TRAPPC11: variants seen among roughly 807,000 people sequenced by gnomAD.
TRAPPC11 encodes the protein foie gras homolog.
A neutral mutation model predicts 151.2 loss-of-function variants in TRAPPC11; 104 were observed. The ratio of observed to expected loss-of-function variants is 0.69; its 90% CI spans 0.59 to 0.81. The LOEUF is 0.81. Among genes scored for constraint, TRAPPC11 ranks in the 30% least tolerant of loss-of-function variants. The probability of loss-of-function intolerance (pLI) is 0.00; values close to 1 mark genes in which losing one functional copy is unlikely to be tolerated. For synonymous variants in TRAPPC11, 456 were observed against 472.3 expected (o/e 0.97, Z 0.45); for missense variants, 1,230 against 1,349.6 (o/e 0.91, Z 1.39).
chr4:183,665,346 G>T (rs1483615594), intron 2 of TRAPPC11, among the ~76,000 whole-genome samples: 1 of 151,970 alleles, frequency 6.6e-6, no homozygotes, highest in Non-Finnish European at 1.5e-5. Flanking sequence ...TGCCCACCTT[G>T]GCCTCCCAAA....
At chr4:183,709,397 T>G (rs908237382) in intron 29 of TRAPPC11, among the ~76,000 whole-genome samples, 7 of 152,202 alleles carry the variant, frequency 4.6e-5, no homozygotes, top group African/African-American at 7.2e-5. Context: ...CCAGCTTTTA[T>G]ATTTCCAGAC....
In TRAPPC11 at chr4:183,685,596, T is replaced by A. The variant is rs1182641907; in HGVS notation, c.1762+193T>A. ...GTTAGGATCTTAAATACTTGACTTATGTTTTAAAATACACTTTGCTCATTT... is the reference window on the plus strand; with the variant it reads ...GTTAGGATCTTAAATACTTGACTTAAGTTTTAAAATACACTTTGCTCATTT... On this transcript the variant is annotated intron_variant, in intron 17 of 29. Transcript: ENST00000334690. Among the ~76,000 whole-genome samples, 3 of 152,346 alleles carry A rather than the reference T, an allele frequency of 2.0e-5. 1 individual carries two copies. The highest frequency in any genetic ancestry group is 6.8e-3 in the Middle Eastern group (2 of 294).
At chr4:183,684,673 T>C (rs886704078) in intron 14 of TRAPPC11, 23 bp from the exon 15 acceptor site, 2 of 1,612,914 alleles carry the variant, frequency 1.2e-6, no homozygotes, top group East Asian at 2.2e-5. Context: ...GCCGGTTCAG[T>C]ATTACATTTT....
At chr4:183,675,315 C>A (rs1415132517) in intron 7 of TRAPPC11, 78 bp downstream of exon 7, 15 of 860,596 alleles carry the variant, frequency 1.7e-5, no homozygotes, top group Admixed American at 3.1e-5. Flanking sequence ...TGAATCTCAG[C>A]CAAAGTATAA....
At chr4:183,695,898 G>C (rs1484641689) in intron 23 of TRAPPC11, among the ~76,000 whole-genome samples, 1 of 152,128 alleles carries the variant, frequency 6.6e-6, no homozygotes, top group Non-Finnish European at 1.5e-5. Context: ...GGAGATAAGG[G>C]TGCCAATCTC....
intron 9 of TRAPPC11, 101 bp downstream of exon 9, chr4:183,679,587 C>A: frequency 1.0e-6 from 1 of 969,040 alleles, no homozygotes; most frequent in Non-Finnish European, 1.5e-6. Context: ...GGTTTTTTGT[C>A]ACTAAGTAGG....
chr4:183,689,667 C>T (rs1436867728), intron 18 of TRAPPC11, among the ~76,000 whole-genome samples: 2 of 150,110 alleles, frequency 1.3e-5, no homozygotes, highest in African/African-American at 4.9e-5. Context: ...CTTTGTTGCC[C>T]AGGCTGGAGT....
At chr4:183,710,697 G>A (rs1041406602) in intron 29 of TRAPPC11, among the ~76,000 whole-genome samples, 6 of 151,864 alleles carry the variant, frequency 4.0e-5, no homozygotes, top group African/African-American at 9.7e-5. Flanking sequence ...ACCGGACTCC[G>A]CAGAGCCAGC....
Position 183,671,151 on chromosome 4 carries a change from C to T in TRAPPC11, c.560+3034C>T, listed in dbSNP as rs141026569. Reference sequence around the variant, plus strand: ...ATAGTGCTGGGATTACATTCATGAGCCACTGTTCCCGGCCCTGGAAGCGGT... The same window carrying T: ...ATAGTGCTGGGATTACATTCATGAGTCACTGTTCCCGGCCCTGGAAGCGGT... On this transcript the variant is annotated intron_variant, in intron 5 of 29. Transcript: ENST00000334690. Among the ~76,000 whole-genome samples the T allele has an allele frequency of 4.6e-3, 707 of 152,308 alleles. 16 individuals carry two copies. The highest frequency in any genetic ancestry group is 0.041 in the Admixed American group (625 of 15,302).
chr4:183,671,833 A>C (rs1735171115), intron 5 of TRAPPC11, among the ~76,000 whole-genome samples: 1 of 152,242 alleles, frequency 6.6e-6, no homozygotes, highest in Non-Finnish European at 1.5e-5. Flanking sequence ...GGTGATCTTT[A>C]TATGAATATT....
chr4:183,697,652 C>A (rs752141487), intron 24 of TRAPPC11, 27 bp from the exon 25 acceptor site: 1 of 1,611,866 alleles, frequency 6.2e-7, no homozygotes, highest in South Asian at 1.1e-5. Flanking sequence ...TAATTCCTGA[C>A]AGACCTTTTA....
At chr4:183,665,929 C>CTTTTTTTT (rs11462767) in intron 2 of TRAPPC11, among the ~76,000 whole-genome samples, 2 of 137,888 alleles carry the variant, frequency 1.5e-5, no homozygotes. Context: ...AAATGGGCTA[C>CTTTTTTTT]TTTTTTTTTT....
rs1384677986 is a variant in TRAPPC11 at position 183,704,999 on chromosome 4, T to A, written c.2984T>A (p.Ile995Asn). 2.5e-6 allele frequency: 4 copies of A among 1,598,616 alleles called. No individual in the cohort carries two copies. Among genetic ancestry groups the A allele is most frequent in the Middle Eastern group, 1.7e-4 (1 of 5,990 alleles). ...SWKRTSAMENIPIITTVITLP... is the reference protein window; with the variant it reads ...SWKRTSAMENNPIITTVITLP... ...CACAGGACCTCAGCAATGGAGAATA[T>A]CCCCATCATCACAACTGTCATCACT... Residue 995 changes from isoleucine (I) to asparagine (N), a missense_variant, in exon 27 of 30, where the codon ATC becomes AAC. Ile to Asn is a moderately radical substitution (Grantham distance 149, BLOSUM62 -3). Coordinates refer to ENST00000334690, the MANE Select transcript of TRAPPC11 (RefSeq NM_021942.6).
chr4:183,667,428 G>A (rs1260194222), intron 4 of TRAPPC11, among the ~76,000 whole-genome samples: 1 of 151,960 alleles, frequency 6.6e-6, no homozygotes, highest in Non-Finnish European at 1.5e-5. Flanking sequence ...TTTTACAAGA[G>A]TATAATTTTT....
At chr4:183,687,052 G>A (rs1736013522) in intron 18 of TRAPPC11, among the ~76,000 whole-genome samples, 1 of 152,030 alleles carries the variant, frequency 6.6e-6, no homozygotes, top group African/African-American at 2.4e-5. Flanking sequence ...GTGGTGGCAC[G>A]TGCCTGTAGT....
chr4:183,661,338 A>G lies in TRAPPC11; in HGVS notation c.-22+1891A>G, dbSNP rs1374335089. ...ATTGTGTTAGACTTCTCCATAATAT[A>G]CTGGTATACTGGTGTAGATTACCTT... On this transcript the variant is annotated intron_variant, in intron 1 of 29. Transcript: ENST00000334690. Among the ~76,000 whole-genome samples, 5 of 145,124 alleles carry G rather than the reference A, an allele frequency of 3.4e-5. No individual in the cohort carries two copies. The Admixed American group carries it at 3.5e-4, about 10-fold the overall frequency.
Position 183,667,040 on chromosome 4 carries a change from T to C in TRAPPC11, c.375-20T>C, listed in dbSNP as rs1222393280. ...TTTTAAGTTAAAATAATTAATTTTATTCTTGCTTTTTCATTGCAGGCAAAG... is the reference window on the plus strand; with the variant it reads ...TTTTAAGTTAAAATAATTAATTTTACTCTTGCTTTTTCATTGCAGGCAAAG... On this transcript the variant is annotated intron_variant, in intron 3 of 29. Coordinates refer to ENST00000334690, the MANE Select transcript of TRAPPC11 (RefSeq NM_021942.6). The C allele has an allele frequency of 1.3e-6, 2 of 1,583,302 alleles. No homozygotes were observed. The highest frequency in any genetic ancestry group is 1.7e-6 in the Non-Finnish European group (2 of 1,158,736).
chr4:183,692,207 C>T (rs1416694549), intron 19 of TRAPPC11, among the ~76,000 whole-genome samples: 1 of 152,102 alleles, frequency 6.6e-6, no homozygotes, highest in Non-Finnish European at 1.5e-5. Flanking sequence ...GATTAGCACA[C>T]AGTAAGCATT....
intron 18 of TRAPPC11, among the ~76,000 whole-genome samples, chr4:183,687,909 T>C (rs184075980): frequency 1.6e-4 from 25 of 152,306 alleles, no homozygotes; most frequent in African/African-American, 6.0e-4. Context: ...CATGAATATA[T>C]AAGCAACTTT....
Sources: gnomAD v4.1 joint callset for allele counts (sites outside exome capture counted in the v4.1 genomes callset) on GRCh38, gnomAD v4.1.1 for gene constraint, MANE v1.5 for transcripts, NCBI Gene and HGNC (gene_info 2026-07-23, HGNC 2026-07-21) for gene names.